The following CNTN5 variants were observed in gnomAD, a reference collection of about 807,000 sequenced individuals.
CNTN5 encodes the protein contactin-5.
Under a neutral mutation model 129.1 loss-of-function variants are expected in CNTN5, and 77 were observed. The observed-to-expected ratio is 0.60, with a 90% CI of 0.50 to 0.72. The LOEUF is 0.72. CNTN5 is among the 30% of genes least tolerant of loss of function. The pLI is 0.00. For missense variants in CNTN5, 1,478 were observed against 1,328.8 expected (o/e 1.11, Z -1.75); for synonymous variants, 509 against 465.6 (o/e 1.09, Z -1.20).
At chr11:100,350,927 T>C in intron 24 of CNTN5, 57 bp downstream of exon 24, 1 of 1,342,476 alleles carries the variant, frequency 7.4e-7, no homozygotes, top group Non-Finnish European at 1.0e-6. Context: ...CGAGATGGTA[T>C]GAAAGTCACG....
intron 18 of CNTN5, among the ~76,000 whole-genome samples, chr11:100,285,437 A>G (rs1950757786): frequency 1.3e-5 from 2 of 152,264 alleles, no homozygotes; most frequent in South Asian, 2.1e-4. Context: ...CACTCCACAG[A>G]GCATGCATGC....
At chr11:99,286,420 C>G (rs1863943066) in intron 1 of CNTN5, among the ~76,000 whole-genome samples, 1 of 152,150 alleles carries the variant, frequency 6.6e-6, no homozygotes, top group Non-Finnish European at 1.5e-5. Context: ...ACTTGACAAA[C>G]AGCTGTTCAC....
At chr11:99,471,716 A>G (rs1007721686) in intron 2 of CNTN5, among the ~76,000 whole-genome samples, 18 of 152,120 alleles carry the variant, frequency 1.2e-4, no homozygotes, top group Admixed American at 2.0e-4. Flanking sequence ...TAAGTACCCA[A>G]GATGGGCCAT....
At chr11:100,202,974 A>G (rs929400200) in intron 15 of CNTN5, among the ~76,000 whole-genome samples, 7 of 152,028 alleles carry the variant, frequency 4.6e-5, no homozygotes, top group African/African-American at 1.4e-4. Context: ...GTAACTCTTC[A>G]TTGTGTCTTT....
At chr11:99,822,877 A>G (rs145659411) in intron 4 of CNTN5, among the ~76,000 whole-genome samples, 34 of 152,354 alleles carry the variant, frequency 2.2e-4, no homozygotes, top group African/African-American at 7.2e-4. Context: ...GGGTTACAAA[A>G]GCCACTGGCT....
intron 3 of CNTN5, among the ~76,000 whole-genome samples, chr11:99,817,560 A>G (rs1206552369): frequency 7.0e-6 from 1 of 143,190 alleles, no homozygotes; most frequent in South Asian, 2.2e-4. Flanking sequence ...CCACATTATC[A>G]TACTTCACTG....
At chr11:99,300,475 C>CA (rs1864587975) in intron 1 of CNTN5, among the ~76,000 whole-genome samples, 1 of 151,910 alleles carries the variant, frequency 6.6e-6, no homozygotes, top group Admixed American at 6.6e-5. Flanking sequence ...CCCATTTGAT[C>CA]ATGGTGTATT....
chr11:99,704,423 CAGATT>C (rs1355132450), intron 3 of CNTN5, among the ~76,000 whole-genome samples: 1 of 150,950 alleles, frequency 6.6e-6, no homozygotes, highest in Non-Finnish European at 1.5e-5. Flanking sequence ...CTCTACAACT[CAGATT>C]AGTGTGGTTC....
At chr11:99,306,688 C>T (rs958981142) in intron 1 of CNTN5, among the ~76,000 whole-genome samples, 4 of 150,976 alleles carry the variant, frequency 2.6e-5, no homozygotes, top group African/African-American at 4.9e-5. Flanking sequence ...GAGCCAAGAT[C>T]GTGCCACTGC....
chr11:99,445,623 T>C (rs1271676545), intron 2 of CNTN5, among the ~76,000 whole-genome samples: 1 of 152,226 alleles, frequency 6.6e-6, no homozygotes, highest in African/African-American at 2.4e-5. Flanking sequence ...CTTTTTATTC[T>C]ATCCTCAAAG....
intron 3 of CNTN5, among the ~76,000 whole-genome samples, chr11:99,563,238 A>T (rs1948897805): frequency 6.6e-6 from 1 of 152,228 alleles, no homozygotes; most frequent in Admixed American, 6.5e-5. Context: ...AGTAATAGTT[A>T]CATTTAATGA....
At chr11:99,771,426 T>C (rs1944942144) in intron 3 of CNTN5, among the ~76,000 whole-genome samples, 1 of 152,062 alleles carries the variant, frequency 6.6e-6, no homozygotes, top group Admixed American at 6.6e-5. Flanking sequence ...CACATTTACA[T>C]ATATGTATAT....
At chr11:100,017,272 T>G (rs1940877186) in intron 9 of CNTN5, among the ~76,000 whole-genome samples, 1 of 151,976 alleles carries the variant, frequency 6.6e-6, no homozygotes, top group Admixed American at 6.6e-5. Flanking sequence ...AGGAAGAATA[T>G]CTTCAAGCCT....
chr11:100,213,720 A>G (rs1591399146), intron 15 of CNTN5, among the ~76,000 whole-genome samples: 1 of 152,106 alleles, frequency 6.6e-6, no homozygotes, highest in East Asian at 1.9e-4. Flanking sequence ...TCATTGGAAG[A>G]TTGTTGCTGT....
At chr11:99,717,156 G>A (rs1955273548) in intron 3 of CNTN5, among the ~76,000 whole-genome samples, 1 of 151,764 alleles carries the variant, frequency 6.6e-6, no homozygotes, top group African/African-American at 2.4e-5. Context: ...TTATTTTTCT[G>A]TCCTTTTGTA....
rs565126712 is a variant in CNTN5, at chr11:99,101,392, C to T, written c.-210+80122C>T. Among the ~76,000 whole-genome samples the T allele has an allele frequency of 1.0e-3, 154 of 152,288 alleles. 2 individuals are homozygous for T. Among genetic ancestry groups the T allele is most frequent in the African/African-American group, 3.5e-3 (145 of 41,548 alleles). ...TGCATTCCCAACAGTCCCCCAAAGTCGTAACTCATTTCAGCATTAACTCAA... is the reference window on the plus strand; with the variant it reads ...TGCATTCCCAACAGTCCCCCAAAGTTGTAACTCATTTCAGCATTAACTCAA... On this transcript the variant is annotated intron_variant, in intron 1 of 24. Transcript: ENST00000524871.
At chr11:99,399,297 T>A (rs1484515055) in intron 2 of CNTN5, among the ~76,000 whole-genome samples, 1 of 151,864 alleles carries the variant, frequency 6.6e-6, no homozygotes, top group Non-Finnish European at 1.5e-5. Context: ...TCTAAACTTA[T>A]TAGATTTCAG....
At chr11:100,288,936 G>A (rs376641593) in intron 18 of CNTN5, among the ~76,000 whole-genome samples, 21 of 151,788 alleles carry the variant, frequency 1.4e-4, no homozygotes, top group Non-Finnish European at 2.1e-4. Flanking sequence ...TATCACCACC[G>A]ATCCCACAGA....
intron 3 of CNTN5, among the ~76,000 whole-genome samples, chr11:99,723,124 TACTC>T: frequency 6.6e-6 from 1 of 152,126 alleles, no homozygotes; most frequent in African/African-American, 2.4e-5. Context: ...TGCTCATACT[TACTC>T]CCTTAATTAG....
Sources: gnomAD v4.1 joint callset for allele counts (sites outside exome capture counted in the v4.1 genomes callset) on GRCh38, gnomAD v4.1.1 for gene constraint, MANE v1.5 for transcripts, NCBI Gene and HGNC (gene_info 2026-07-23, HGNC 2026-07-21) for gene names.